The following FOXJ3 variants were observed in gnomAD, a reference collection of about 807,000 sequenced individuals.
FOXJ3 encodes forkhead box protein J3.
Under a neutral mutation model 76.1 loss-of-function variants are expected in FOXJ3, and 22 were observed. That is an observed-to-expected ratio of 0.29 (90% CI 0.21 to 0.41). FOXJ3 has a LOEUF of 0.41. Ranked by LOEUF, FOXJ3 falls within the 10% of genes least tolerant of loss-of-function variation. The pLI, the probability that FOXJ3 is intolerant of heterozygous loss-of-function variation, is 1.00. For synonymous variants in FOXJ3, 269 were observed against 261.2 expected (o/e 1.03, Z -0.29); for missense variants, 613 against 762.1 (o/e 0.80, Z 2.30).
intron 3 of FOXJ3, among the ~76,000 whole-genome samples, chr1:42,271,686 G>A (rs1183985368): frequency 6.6e-6 from 1 of 152,022 alleles, no homozygotes; most frequent in East Asian, 1.9e-4. Flanking sequence ...GTCTCGCTCT[G>A]TCACCAGGCT....
chr1:42,312,296 G>A lies in FOXJ3; in HGVS notation c.-17-1186C>T, dbSNP rs372322521. Reference sequence around the variant, plus strand: ...TGATCTTGAACTCCTGGGCTCAAGTGATCCTCCTTCCTCGGCCTCCCAAAG... The same window carrying A: ...TGATCTTGAACTCCTGGGCTCAAGTAATCCTCCTTCCTCGGCCTCCCAAAG... On this transcript the variant is annotated intron_variant, in intron 1 of 12. Transcript: ENST00000361346. Among the ~76,000 whole-genome samples the A allele has an allele frequency of 3.3e-3, 499 of 152,260 alleles. 2 individuals are homozygous for A. Among genetic ancestry groups the A allele is most frequent in the African/African-American group, 0.011 (468 of 41,536 alleles).
chr1:42,330,902 A>G (rs1354325334), intron 1 of FOXJ3, among the ~76,000 whole-genome samples: 1 of 152,174 alleles, frequency 6.6e-6, no homozygotes, highest in Non-Finnish European at 1.5e-5. Context: ...ATCAAATTAG[A>G]GAATGTATGA....
intron 1 of FOXJ3, among the ~76,000 whole-genome samples, chr1:42,333,570 C>G (rs1656284936): frequency 6.6e-6 from 1 of 152,036 alleles, no homozygotes; most frequent in Non-Finnish European, 1.5e-5. Context: ...ATAATATATA[C>G]CACTCAGAAA....
intron 2 of FOXJ3, among the ~76,000 whole-genome samples, chr1:42,288,176 AATGTCT>A (rs1653183883): frequency 6.6e-6 from 1 of 152,206 alleles, no homozygotes; most frequent in Non-Finnish European, 1.5e-5. Flanking sequence ...ACCCTATTAA[AATGTCT>A]ATGTCTCTGA....
At chr1:42,231,285 C>A (rs941456888) in intron 4 of FOXJ3, among the ~76,000 whole-genome samples, 1 of 152,112 alleles carries the variant, frequency 6.6e-6, no homozygotes, top group African/African-American at 2.4e-5. Context: ...GAGATCACGC[C>A]ACTGCACTCT....
intron 1 of FOXJ3, among the ~76,000 whole-genome samples, chr1:42,329,890 G>A (rs890434358): frequency 1.5e-4 from 23 of 151,978 alleles, no homozygotes; most frequent in African/African-American, 4.8e-4. Context: ...CTATTAATTC[G>A]TAACACAGTA....
intron 8 of FOXJ3, among the ~76,000 whole-genome samples, 199 bp from the exon 9 acceptor site, chr1:42,191,918 A>G (rs1432129357): frequency 6.6e-6 from 1 of 152,198 alleles, no homozygotes; most frequent in Non-Finnish European, 1.5e-5. Context: ...CCTCAAGTGG[A>G]AGAGAAAGAC....
chr1:42,206,951 C>T (rs1036581546), intron 5 of FOXJ3, among the ~76,000 whole-genome samples: 3 of 152,082 alleles, frequency 2.0e-5, no homozygotes, highest in African/African-American at 7.2e-5. Flanking sequence ...TTGCCTCAGC[C>T]TCCCAAGTAG....
At chr1:42,210,569 GTATCACCC>G (rs1646948486) in intron 5 of FOXJ3, among the ~76,000 whole-genome samples, 2 of 152,126 alleles carry the variant, frequency 1.3e-5, no homozygotes, top group South Asian at 4.1e-4. Context: ...GTCATTGCCT[GTATCACCC>G]TGGCTAACCA....
chr1:42,238,624 T>C (rs192166445), intron 4 of FOXJ3, among the ~76,000 whole-genome samples: 14 of 152,008 alleles, frequency 9.2e-5, no homozygotes, highest in Middle Eastern at 3.4e-3. Context: ...AATGGCACAA[T>C]CATGGCTCAC....
chr1:42,297,652 G>A (rs530451898), intron 2 of FOXJ3, among the ~76,000 whole-genome samples: 12 of 152,146 alleles, frequency 7.9e-5, no homozygotes, highest in East Asian at 3.9e-4. Context: ...ATGTGCTGTC[G>A]GATTCAGCAT....
chr1:42,236,585 C>T (rs541401255), intron 4 of FOXJ3, among the ~76,000 whole-genome samples: 11 of 152,190 alleles, frequency 7.2e-5, no homozygotes, highest in Non-Finnish European at 1.3e-4. Flanking sequence ...GAAATTTTGA[C>T]AACTGTATAC....
intron 2 of FOXJ3, among the ~76,000 whole-genome samples, chr1:42,285,422 A>G (rs1652988565): frequency 6.6e-6 from 1 of 152,124 alleles, no homozygotes; most frequent in African/African-American, 2.4e-5. Flanking sequence ...TAAAAAAAAA[A>G]AGTGTCTGGG....
At position 42,179,245 on chromosome 1, in the gene FOXJ3, C is replaced by A. The variant is rs964922341; in HGVS notation, c.*465G>T. ...AGTTTCCTACATCAGTTAAAAGCATCCTGCAGAAAATAGCCTAACAAGGAA... is the reference window on the plus strand; with the variant it reads ...AGTTTCCTACATCAGTTAAAAGCATACTGCAGAAAATAGCCTAACAAGGAA... On this transcript the variant is annotated 3_prime_UTR_variant, in exon 13 of 13. Transcript: ENST00000361346. 6.6e-6 allele frequency: 1 copy of A among 152,632 alleles called. No individual in the cohort carries two copies. The highest frequency in any genetic ancestry group is 2.4e-5 in the African/African-American group (1 of 41,448). 9.5% of individuals were successfully genotyped at this position (152,632 alleles called of 1,614,324 possible).
intron 5 of FOXJ3, among the ~76,000 whole-genome samples, chr1:42,214,508 C>T (rs7520940): frequency 0.011 from 1,726 of 152,228 alleles, 37 homozygotes; most frequent in African/African-American, 0.04. Context: ...ATTTGAGTTC[C>T]ACTTCCTGTT....
Position 42,205,745 on chromosome 1 carries a change from T to C in FOXJ3, c.630+17A>G, listed in dbSNP as rs1557636262. On this transcript the variant is annotated intron_variant, in intron 6 of 12. Coordinates refer to ENST00000361346, the MANE Select transcript of FOXJ3 (RefSeq NM_014947.5). ...TACTCAATGACATTTCAATAATGTT[T>C]AAAAAAATGAAATTACTTTGTTAGT... 3.5e-6 allele frequency: 5 copies of C among 1,409,216 alleles called. No homozygotes were observed. The highest frequency in any genetic ancestry group is 1.4e-5 in the African/African-American group (1 of 70,994). The allele number at this position is 1,409,216 out of a possible 1,614,324, so 87.3% of individuals were successfully genotyped here. A position where few individuals can be genotyped will look rare whatever the true frequency, so the allele number is the denominator to read the frequency against.
Position 42,300,638 on chromosome 1 carries a change from C to A in FOXJ3, c.44+10412G>T, listed in dbSNP as rs116887670. ...AAAAAACACAAGAAAATTAGCCGGG[C>A]ATGGTGGCATGTGCTTGTAGTCCCA... On this transcript the variant is annotated intron_variant, in intron 2 of 12. Transcript: ENST00000361346. Among the ~76,000 whole-genome samples the A allele has an allele frequency of 1.1e-3, 160 of 152,062 alleles. 1 individual carries two copies. The East Asian group carries it at 0.03, about 29-fold the overall frequency.
At chr1:42,241,946 C>T (rs986422218) in intron 4 of FOXJ3, among the ~76,000 whole-genome samples, 25 of 152,312 alleles carry the variant, frequency 1.6e-4, no homozygotes, top group African/African-American at 5.8e-4. Flanking sequence ...AGCACAGCCT[C>T]GCCACAGCCT....
chr1:42,312,206 T>G (rs1272163041), intron 1 of FOXJ3, among the ~76,000 whole-genome samples: 1 of 152,198 alleles, frequency 6.6e-6, no homozygotes, highest in Non-Finnish European at 1.5e-5. Flanking sequence ...AAATTTTACC[T>G]GCAATCTCTT....
Sources: allele counts gnomAD v4.1 joint callset (sites outside exome capture counted in the v4.1 genomes callset), GRCh38; gene constraint gnomAD v4.1.1; transcripts MANE v1.5; gene names NCBI Gene and HGNC (gene_info 2026-07-23, HGNC 2026-07-21).